DDB1: variants seen among roughly 807,000 people sequenced by gnomAD.
The protein encoded by DDB1 is DNA damage-binding protein 1.
Under a neutral mutation model 133.1 loss-of-function variants are expected in DDB1, and 18 were observed. The ratio of observed to expected loss-of-function variants is 0.14; its 90% CI spans 0.09 to 0.20. The LOEUF is 0.20. Among genes scored for constraint, DDB1 ranks in the 10% least tolerant of loss-of-function variants. The pLI, the probability that DDB1 is intolerant of heterozygous loss-of-function variation, is 1.00. For synonymous variants in DDB1, 580 were observed against 550.5 expected (o/e 1.05, Z -0.75); for missense variants, 828 against 1,459.2 (o/e 0.57, Z 7.05).
intron 12 of DDB1, chr11:61,315,004 T>G (rs1303583711): frequency 6.6e-6 from 1 of 152,056 alleles, no homozygotes; most frequent in Non-Finnish European, 1.5e-5. Context: ...TAACTTTTGT[T>G]TTTTGAGTAG....
At position 61,322,741 on chromosome 11, in the gene DDB1, C is replaced by T. The variant is rs555439567; in HGVS notation, c.1005+270G>A. On this transcript the variant is annotated intron_variant, in intron 8 of 26. Coordinates refer to ENST00000301764, the MANE Select transcript of DDB1 (RefSeq NM_001923.5). ...TTCATATTCTAGAAGAAGTCCATTA[C>T]ATTAAACTATGACCTATTTGAAGGT... The T allele has an allele frequency of 2.6e-4, 143 of 545,626 alleles. 4 individuals are homozygous for T. In the East Asian group the frequency reaches 4.1e-3, roughly 16 times the overall value. The allele number at this position is 545,626 out of a possible 1,614,324, so 33.8% of individuals were successfully genotyped here.
chr11:61,312,060 G>C lies in DDB1; in HGVS notation c.2094C>G (p.Thr698=), dbSNP rs754828791. The change falls in exon 17 of 27, where the codon ACC becomes ACG. Residue 698 remains threonine, a synonymous_variant. Coordinates refer to ENST00000301764, the MANE Select transcript of DDB1 (RefSeq NM_001923.5). ...TCTCATCGATGGTGCCAATGGTGAG[G>C]GTGCTATTGTTGGCCAGCGCCAGGC... ...PDSLALANNS[T]LTIGTIDEIQ... 7.4e-6 allele frequency: 12 copies of C among 1,614,222 alleles called. No homozygotes were observed. The East Asian group carries it at 2.7e-4, about 36-fold the overall frequency.
intron 2 of DDB1, among the ~76,000 whole-genome samples, chr11:61,330,860 TGGC>T (rs2134941098): frequency 1.3e-5 from 2 of 152,310 alleles, no homozygotes; most frequent in African/African-American, 4.8e-5. Flanking sequence ...TTCACCATGT[TGGC>T]CAGGCTGGTC....
chr11:61,308,844 C>G, intron 21 of DDB1, 139 bp downstream of exon 21: 4 of 796,304 alleles, frequency 5.0e-6, no homozygotes, highest in Admixed American at 2.3e-5. Flanking sequence ...ATTCTCAACT[C>G]AGAGCTCTAT....
chr11:61,308,251 CCTACCACCCCTTGCA>C (rs1466745619), intron 21 of DDB1, among the ~76,000 whole-genome samples: 11 of 152,182 alleles, frequency 7.2e-5, no homozygotes, highest in Non-Finnish European at 1.2e-4. Flanking sequence ...TCACCTATGA[CCTACCACCCCTTGCA>C]CTTGTCTTCC....
At chr11:61,330,970 A>C (rs1384434237) in intron 2 of DDB1, among the ~76,000 whole-genome samples, 4 of 152,172 alleles carry the variant, frequency 2.6e-5, no homozygotes, top group East Asian at 1.9e-4. Flanking sequence ...AATTGTTAAC[A>C]TAACTGTAAA....
chr11:61,300,503 C>T (rs150465358), intron 26 of DDB1, among the ~76,000 whole-genome samples: 4 of 152,314 alleles, frequency 2.6e-5, no homozygotes, highest in African/African-American at 4.8e-5. Flanking sequence ...CTCCTCCCTA[C>T]GGGATCCTGA....
intron 6 of DDB1, 45 bp downstream of exon 6, chr11:61,325,566 A>G: frequency 1.3e-6 from 2 of 1,524,940 alleles, no homozygotes; most frequent in East Asian, 2.3e-5. Flanking sequence ...AGGTGAGGAC[A>G]AGGAAAGAAA....
At chr11:61,319,706 A>G (rs1856146764) in intron 10 of DDB1, among the ~76,000 whole-genome samples, 1 of 152,224 alleles carries the variant, frequency 6.6e-6, no homozygotes, top group Admixed American at 6.5e-5. Flanking sequence ...CTGGGATTAC[A>G]GGCATGAGGC....
At chr11:61,323,888 T>G (rs1856225590) in intron 7 of DDB1, 91 bp downstream of exon 7, 1 of 1,437,160 alleles carries the variant, frequency 7.0e-7, no homozygotes, top group South Asian at 1.2e-5. Flanking sequence ...TTAAGTAACA[T>G]AATTCCCAGA....
At position 61,314,605 on chromosome 11, in the gene DDB1, T is replaced by C. The variant is rs1856035524; in HGVS notation, c.1411-119A>G. 4.9e-5 allele frequency: 50 copies of C among 1,028,716 alleles called. No individual in the cohort carries two copies. In the South Asian group the frequency reaches 8.3e-4, roughly 17 times the overall value. The allele number at this position is 1,028,716 out of a possible 1,614,324, so 63.7% of individuals were successfully genotyped here. On this transcript the variant is annotated intron_variant, in intron 12 of 26. Transcript: ENST00000301764. The stretch of plus-strand genomic sequence containing the variant: ...ACGAATAAGCTACATGAGGCTTCTA[T>C]TTCTTATTCCCCAAAGTCCTGCTAA...
chr11:61,322,770 A>G (rs1856204040), intron 8 of DDB1: 2 of 554,634 alleles, frequency 3.6e-6, no homozygotes, highest in African/African-American at 3.7e-5. Flanking sequence ...TGAAGGTAGG[A>G]GCTGGGTCTT....
intron 9 of DDB1, 99 bp downstream of exon 9, chr11:61,322,197 G>T (rs1316110174): frequency 1.1e-6 from 1 of 945,016 alleles, no homozygotes; most frequent in Non-Finnish European, 1.7e-6. Context: ...GCTCTTAAAA[G>T]TATTTTCAGT....
At chr11:61,302,998 A>G (rs776395062) in intron 23 of DDB1, 48 bp downstream of exon 23, 1 of 1,549,138 alleles carries the variant, frequency 6.5e-7, no homozygotes, top group Admixed American at 1.7e-5. Flanking sequence ...CCAGAGACCA[A>G]GGAACTCCCA....
At chr11:61,325,554 C>A in intron 6 of DDB1, 57 bp downstream of exon 6, 1 of 1,409,820 alleles carries the variant, frequency 7.1e-7, no homozygotes, top group South Asian at 1.2e-5. Context: ...AAGGGAGGAG[C>A]AAGGTGAGGA....
chr11:61,312,130 C>A (rs1014460236), intron 16 of DDB1, 46 bp from the exon 17 acceptor site: 1 of 1,576,230 alleles, frequency 6.3e-7, no homozygotes, highest in Non-Finnish European at 8.7e-7. Flanking sequence ...TCAAGGAAGG[C>A]AAAGATTCTA....
rs377519528 is a variant in DDB1 at position 61,325,730 on chromosome 11, T to G, written c.665-22A>C. 7 of 1,595,784 alleles carry G rather than the reference T, an allele frequency of 4.4e-6. No individual in the cohort carries two copies. The African/African-American group carries it at 9.4e-5, about 21-fold the overall frequency. On this transcript the variant is annotated intron_variant, in intron 5 of 26. Transcript: ENST00000301764. Reference sequence around the variant, plus strand: ...GGGACTGCAGGAAAGACAGCAAAATTAGAATGCTCAGCACTCTGGGTCTGC... The same window carrying G: ...GGGACTGCAGGAAAGACAGCAAAATGAGAATGCTCAGCACTCTGGGTCTGC...
rs1003077759 is a variant in DDB1 at position 61,321,707 on chromosome 11, G to A, written c.1123-10C>T. On this transcript the variant is annotated splice_polypyrimidine_tract_variant and intron_variant, in intron 9 of 26. Transcript: ENST00000301764. ...CAGAGCAAGTGACCAGCTGCAAGCA[G>A]AGAAAACGTTTCTAAAGAACCCCCT... is the stretch of plus-strand genomic sequence containing the variant. The A allele has an allele frequency of 2.5e-6, 4 of 1,613,650 alleles. No individual in the cohort carries two copies. The highest frequency in any genetic ancestry group is 1.7e-4 in the Middle Eastern group (1 of 6,060).
intron 22 of DDB1, 176 bp from the exon 23 acceptor site, chr11:61,303,331 C>T: frequency 1.7e-6 from 1 of 584,344 alleles, no homozygotes; most frequent in Non-Finnish European, 3.0e-6. Flanking sequence ...CCAACGCAGC[C>T]CATTTGGTTG....
Sources: gnomAD v4.1 joint callset for allele counts (sites outside exome capture counted in the v4.1 genomes callset) on GRCh38, gnomAD v4.1.1 for gene constraint, MANE v1.5 for transcripts, NCBI Gene and HGNC (gene_info 2026-07-23, HGNC 2026-07-21) for gene names.